The following FLRT2 variants were observed in gnomAD, a reference collection of about 807,000 sequenced individuals.
FLRT2 encodes leucine-rich repeat transmembrane protein FLRT2.
FLRT2 carries 15 observed loss-of-function variants against 40.0 expected under a neutral mutation model. That is an observed-to-expected ratio of 0.38 (90% CI 0.25 to 0.58). FLRT2 has a LOEUF of 0.58. Among genes scored for constraint, FLRT2 ranks in the 20% least tolerant of loss-of-function variants. FLRT2 has a pLI of 0.71. For synonymous variants in FLRT2, 380 were observed against 336.8 expected, an observed-to-expected ratio of 1.13 and a Z score of -1.41; for missense variants, 726 against 840.0, an observed-to-expected ratio of 0.86 and a Z score of 1.68.
chr14:85,622,855 G>C lies in FLRT2; in HGVS notation c.1341G>C (p.Val447=). 6.2e-7 allele frequency: 1 copy of C among 1,614,166 alleles called. No homozygotes were observed. The highest frequency in any genetic ancestry group is 2.2e-5 in the East Asian group (1 of 44,856). Residue 447 remains valine (V), a synonymous_variant, in exon 2 of 2, where the codon GTG becomes GTC. Coordinates refer to ENST00000330753, the MANE Select transcript of FLRT2 (RefSeq NM_013231.6). ...TCAGCTGGCTCTCTCTCTTCACCGT[G>C]ATGGCATACAAACTCACATGGGTGA... is the stretch of plus-strand genomic sequence containing the variant. ...IQVSWLSLFT[V]MAYKLTWVKM...
chr14:85,542,601 C>T (rs1027233885), intron 1 of FLRT2, among the ~76,000 whole-genome samples: 2 of 152,106 alleles, frequency 1.3e-5, no homozygotes, highest in African/African-American at 2.4e-5. Flanking sequence ...CAACATTCAA[C>T]CCAGCATAAA....
At chr14:85,566,774 G>GAA (rs71120521) in intron 1 of FLRT2, among the ~76,000 whole-genome samples, 3,417 of 143,280 alleles carry the variant, frequency 0.024, 139 homozygotes, top group African/African-American at 0.078. Context: ...TCTTCAGCAT[G>GAA]AAAAAAAAAA....
chr14:85,573,272 C>G (rs1365843074), intron 1 of FLRT2, among the ~76,000 whole-genome samples: 1 of 152,088 alleles, frequency 6.6e-6, no homozygotes, highest in Non-Finnish European at 1.5e-5. Flanking sequence ...ACACATCACA[C>G]TCACACATCA....
chr14:85,532,448 T>C (rs1888345990), intron 1 of FLRT2, among the ~76,000 whole-genome samples: 1 of 152,146 alleles, frequency 6.6e-6, no homozygotes, highest in South Asian at 2.1e-4. Flanking sequence ...TTTTTACTTG[T>C]TTGTTTGTTT....
At chr14:85,561,869 G>C (rs184127326) in intron 1 of FLRT2, among the ~76,000 whole-genome samples, 1 of 152,304 alleles carries the variant, frequency 6.6e-6, no homozygotes, top group Admixed American at 6.5e-5. Flanking sequence ...TTCTATTGCT[G>C]TCATTGTCTT....
chr14:85,602,160 ACT>A (rs1212196062), intron 1 of FLRT2, among the ~76,000 whole-genome samples: 1 of 152,158 alleles, frequency 6.6e-6, no homozygotes, highest in Non-Finnish European at 1.5e-5. Flanking sequence ...TTACATATGC[ACT>A]CTTATACATA....
At chr14:85,610,660 G>C (rs1432905293) in intron 1 of FLRT2, among the ~76,000 whole-genome samples, 1 of 152,022 alleles carries the variant, frequency 6.6e-6, no homozygotes, top group Non-Finnish European at 1.5e-5. Flanking sequence ...CTCTTGCCTA[G>C]ACCTGGACTT....
chr14:85,592,417 T>C (rs1891932122), intron 1 of FLRT2, among the ~76,000 whole-genome samples: 1 of 152,064 alleles, frequency 6.6e-6, no homozygotes, highest in African/African-American at 2.4e-5. Flanking sequence ...TCCTGTTTGG[T>C]GGTAAATATA....
In FLRT2 at chr14:85,623,229, A is replaced by G; in HGVS notation, c.1715A>G (p.Tyr572Cys). 2.0e-6 allele frequency: 3 copies of G among 1,528,296 alleles called. No individual in the cohort carries two copies. The highest frequency in any genetic ancestry group is 1.8e-6 in the Non-Finnish European group (2 of 1,139,272). 94.7% of individuals were successfully genotyped at this position (1,528,296 alleles called of 1,614,324 possible). A position where few individuals can be genotyped will look rare whatever the true frequency, so the allele number is the denominator to read the frequency against. Reference protein sequence around the residue: ...FCWHMHKKGRYTSQKWKYNRG... With the variant: ...FCWHMHKKGRCTSQKWKYNRG... Reference sequence around the variant, plus strand: ...TGGCATATGCACAAAAAGGGGCGCTACACCTCCCAGAAGTGGAAATACAAC... The same window carrying G: ...TGGCATATGCACAAAAAGGGGCGCTGCACCTCCCAGAAGTGGAAATACAAC... Residue 572 changes from tyrosine (Y) to cysteine (C), a missense_variant, in exon 2 of 2, where the codon TAC (tyrosine) becomes TGC (cysteine). Around this residue, in one of 3 missense-constraint regions of FLRT2, gnomAD observed 611 missense variants for 690.0 expected, o/e 0.89. Transcript: ENST00000330753.
intron 1 of FLRT2, among the ~76,000 whole-genome samples, chr14:85,533,123 A>G (rs1311366004): frequency 6.6e-6 from 1 of 152,122 alleles, no homozygotes; most frequent in Non-Finnish European, 1.5e-5. Context: ...TTTAAACCAG[A>G]AAAGTAGGAG....
At chr14:85,552,927 G>T (rs1203229934) in intron 1 of FLRT2, 1 of 152,112 alleles carries the variant, frequency 6.6e-6, no homozygotes, top group East Asian at 1.9e-4. Context: ...TGACACCCAG[G>T]ATCTAGTTGT....
chr14:85,599,728 TTTTC>T lies in FLRT2; in HGVS notation c.-376-21396_-376-21393del, dbSNP rs1016739141. On this transcript the variant is annotated intron_variant, in intron 1 of 1. Transcript: ENST00000330753. ...CCCCCCGTCTTTCCTTCTTTCCTCCTTTTCTTTCTTTCTTTCTTCCCTTTATCAG... is the reference window on the plus strand; with the variant it reads ...CCCCCCGTCTTTCCTTCTTTCCTCCTTTTCTTTCTTTCTTCCCTTTATCAG... 2.1e-4 allele frequency among the ~76,000 whole-genome samples: 32 copies of T among 152,150 alleles called. 1 individual carries two copies. Among genetic ancestry groups the T allele is most frequent in the Admixed American group, 7.9e-4 (12 of 15,274 alleles).
rs149180602 is a variant in FLRT2, at chr14:85,622,734, C to T, written c.1220C>T (p.Thr407Met). The change falls in exon 2 of 2, where the codon ACG (threonine) becomes ATG (methionine). Residue 407 changes from threonine to methionine, a missense_variant. This residue lies in a region of FLRT2 where 611 missense variants were observed against 690.0 expected (regional missense o/e 0.89). Coordinates refer to ENST00000330753, the MANE Select transcript of FLRT2 (RefSeq NM_013231.6). ...ACTCCTACCACATCGAAACTTCCCA[C>T]GATTCCTGACTGGGATGGCAGAGAA... is the stretch of plus-strand genomic sequence containing the variant. The part of the protein sequence containing the change: ...PPTPTTSKLP[T>M]IPDWDGRERV... 68 of 1,614,036 alleles carry T rather than the reference C, an allele frequency of 4.2e-5. No individual in the cohort carries two copies. In the South Asian group the frequency reaches 4.6e-4, roughly 11 times the overall value.
chr14:85,539,441 A>G lies in FLRT2; in HGVS notation c.-377+8907A>G, dbSNP rs140515379. 2.3e-3 allele frequency among the ~76,000 whole-genome samples: 353 copies of G among 152,274 alleles called. 3 individuals are homozygous for G. Among genetic ancestry groups the G allele is most frequent in the African/African-American group, 7.9e-3 (327 of 41,558 alleles). On this transcript the variant is annotated intron_variant, in intron 1 of 1. Coordinates refer to ENST00000330753, the MANE Select transcript of FLRT2 (RefSeq NM_013231.6). Reference sequence around the variant, plus strand: ...AAATAATAGCATTTCACTCTTCAGCATTAGATTAGATGACAAGTTTACCTG... The same window carrying G: ...AAATAATAGCATTTCACTCTTCAGCGTTAGATTAGATGACAAGTTTACCTG...
At chr14:85,619,880 C>A (rs184009745) in intron 1 of FLRT2, among the ~76,000 whole-genome samples, 1 of 152,200 alleles carries the variant, frequency 6.6e-6, no homozygotes, top group South Asian at 2.1e-4. Flanking sequence ...ACTTCCTCAA[C>A]TGTGTCTTCT....
At chr14:85,560,252 T>C (rs191959426) in intron 1 of FLRT2, among the ~76,000 whole-genome samples, 13 of 152,244 alleles carry the variant, frequency 8.5e-5, no homozygotes, top group African/African-American at 2.6e-4. Flanking sequence ...TCTAGAATCA[T>C]GAAGCCAGAA....
intron 1 of FLRT2, among the ~76,000 whole-genome samples, chr14:85,571,988 T>C (rs1890910405): frequency 6.6e-6 from 1 of 152,122 alleles, no homozygotes; most frequent in African/African-American, 2.4e-5. Context: ...GAACGATCAC[T>C]ATTATTATCT....
At chr14:85,545,034 A>C (rs1426634011) in intron 1 of FLRT2, among the ~76,000 whole-genome samples, 1 of 152,162 alleles carries the variant, frequency 6.6e-6, no homozygotes, top group Non-Finnish European at 1.5e-5. Context: ...GTGAAAAAAC[A>C]CATGAGATGA....
rs1047800866 is a variant in FLRT2, at chr14:85,553,965, G to C, written c.-377+23431G>C. Among the ~76,000 whole-genome samples, 8 of 152,040 alleles carry C rather than the reference G, an allele frequency of 5.3e-5. No homozygotes were observed. In the South Asian group the frequency reaches 1.7e-3, roughly 32 times the overall value. ...TTATACTCATTCACTTAAAGGGTAG[G>C]GTAGATACTTGTCAAATGTGGTTTT... On this transcript the variant is annotated intron_variant, in intron 1 of 1. Coordinates refer to ENST00000330753, the MANE Select transcript of FLRT2 (RefSeq NM_013231.6).
Sources: gnomAD v4.1 joint callset for allele counts (sites outside exome capture counted in the v4.1 genomes callset) on GRCh38, gnomAD v4.1.1 for gene constraint, gnomAD v4.1.1 regional missense constraint, MANE v1.5 for transcripts, NCBI Gene and HGNC (gene_info 2026-07-23, HGNC 2026-07-21) for gene names.